SMC6: variants seen among roughly 807,000 people sequenced by gnomAD.
The protein encoded by SMC6 is structural maintenance of chromosomes protein 6.
Under a neutral mutation model 142.2 loss-of-function variants are expected in SMC6, and 79 were observed. The observed-to-expected ratio is 0.56, with a 90% CI of 0.46 to 0.67. SMC6 has a LOEUF of 0.67. Among genes scored for constraint, SMC6 ranks in the 30% least tolerant of loss-of-function variants. The pLI is 0.00. For synonymous variants in SMC6, 411 were observed against 412.4 expected, an observed-to-expected ratio of 1.00 and a Z score of 0.04; for missense variants, 1,072 against 1,284.0, an observed-to-expected ratio of 0.83 and a Z score of 2.52.
In SMC6 at chr2:17,703,713, C is replaced by A. The variant is rs566130141; in HGVS notation, c.2007-421G>T. ...ATTTAATTAATAGTAAATATATTTT[C>A]TCTTCCTTATGATTTTAACATACTC... On this transcript the variant is annotated intron_variant, in intron 18 of 27. Transcript: ENST00000448223. Among the ~76,000 whole-genome samples the A allele has an allele frequency of 5.1e-4, 78 of 152,134 alleles. 1 individual carries two copies. The highest frequency in any genetic ancestry group is 1.8e-3 in the African/African-American group (74 of 41,520).
chr2:17,690,561 T>G (rs1303413800), intron 23 of SMC6, among the ~76,000 whole-genome samples: 1 of 151,870 alleles, frequency 6.6e-6, no homozygotes, highest in Non-Finnish European at 1.5e-5. Flanking sequence ...ACCACTGCAC[T>G]CCAGCCTGCA....
chr2:17,733,342 G>T (rs1669998774), intron 5 of SMC6, among the ~76,000 whole-genome samples: 1 of 151,974 alleles, frequency 6.6e-6, no homozygotes, highest in South Asian at 2.1e-4. Flanking sequence ...CATCCTCTTG[G>T]GATTGAGCTA....
At chr2:17,715,197 T>C (rs979726779) in intron 15 of SMC6, 132 bp from the exon 16 acceptor site, 3 of 798,766 alleles carry the variant, frequency 3.8e-6, no homozygotes, top group Non-Finnish European at 4.0e-6. Flanking sequence ...TTACAGATCA[T>C]TTAATCATAG....
intron 4 of SMC6, among the ~76,000 whole-genome samples, chr2:17,739,196 C>A (rs17381120): frequency 1.3e-5 from 2 of 151,886 alleles, no homozygotes; most frequent in Non-Finnish European, 2.9e-5. Context: ...CTTCTTTATA[C>A]CCTAACAGAT....
Position 17,731,107 on chromosome 2 carries a change from T to A in SMC6, c.514A>T (p.Ile172Phe). 2 of 1,612,996 alleles carry A rather than the reference T, an allele frequency of 1.2e-6. No homozygotes were observed. The highest frequency in any genetic ancestry group is 1.7e-6 in the Non-Finnish European group (2 of 1,179,550). ...SVVSTRKEEL[I>F]AILDHFNIQV... ...ATGTTAAAATGATCAAGAATTGCAA[T>A]CAGCTCTTCTTTCCTCGTGGAAACC... Residue 172 changes from isoleucine (I) to phenylalanine (F), a missense_variant, in exon 7 of 28, where the codon ATT becomes TTT. By Grantham distance (21) the Ile-to-Phe change is conservative. This residue lies in a region of SMC6 where 994 missense variants were observed against 1,153.2 expected (regional missense o/e 0.86). Coordinates refer to ENST00000448223, the MANE Select transcript of SMC6 (RefSeq NM_001142286.2).
intron 19 of SMC6, 148 bp downstream of exon 19, chr2:17,703,009 C>A (rs1317991120): frequency 4.6e-6 from 2 of 436,328 alleles, no homozygotes; most frequent in East Asian, 3.5e-5. Context: ...GATATACCCA[C>A]ATAAATGAAA....
intron 16 of SMC6, 143 bp downstream of exon 16, chr2:17,714,717 TA>T: frequency 1.2e-6 from 1 of 807,702 alleles, no homozygotes; most frequent in Non-Finnish European, 2.0e-6. Context: ...CCAGAACTAA[TA>T]CCTAGACAGA....
intron 5 of SMC6, among the ~76,000 whole-genome samples, chr2:17,735,931 G>A (rs1670129997): frequency 6.6e-6 from 1 of 152,196 alleles, no homozygotes; most frequent in Admixed American, 6.5e-5. Context: ...GGGAGGGATA[G>A]AGTCCTTAGA....
intron 11 of SMC6, among the ~76,000 whole-genome samples, chr2:17,719,564 TA>T (rs1669269839): frequency 1.3e-5 from 2 of 152,244 alleles, no homozygotes; most frequent in Non-Finnish European, 2.9e-5. Flanking sequence ...GAGCATCTAT[TA>T]CGCAGACTGG....
intron 26 of SMC6, among the ~76,000 whole-genome samples, chr2:17,669,343 A>C (rs1481278220): frequency 6.6e-6 from 1 of 152,136 alleles, no homozygotes; most frequent in East Asian, 1.9e-4. Flanking sequence ...AGAGTACAGG[A>C]GAGATGTCAG....
Position 17,716,162 on chromosome 2 carries a change from A to G in SMC6, c.1449T>C (p.Asn483=). 1 of 1,612,556 alleles carries G rather than the reference A, an allele frequency of 6.2e-7. No homozygotes were observed. Among genetic ancestry groups the G allele is most frequent in the South Asian group, 1.1e-5 (1 of 90,836 alleles). Residue 483 remains asparagine, a synonymous_variant, in exon 15 of 28, where the codon AAT becomes AAC. Transcript: ENST00000448223. Reference sequence around the variant, plus strand: ...CTATGGCTTCAAGAAGAGCTGGAACATTAGGGCCAAATCTTTTGAGTCGAT... The same window carrying G: ...CTATGGCTTCAAGAAGAGCTGGAACGTTAGGGCCAAATCTTTTGAGTCGAT... ...KTDRLKRFGP[N]VPALLEAIDD...
At chr2:17,712,510 T>C (rs997262443) in intron 16 of SMC6, among the ~76,000 whole-genome samples, 1 of 152,176 alleles carries the variant, frequency 6.6e-6, no homozygotes, top group Non-Finnish European at 1.5e-5. Context: ...AGCTTCTATG[T>C]CCTTCTGAAA....
chr2:17,699,866 A>C (rs1668185497), intron 21 of SMC6, among the ~76,000 whole-genome samples: 1 of 152,172 alleles, frequency 6.6e-6, no homozygotes, highest in East Asian at 1.9e-4. Context: ...GAGTTATTGA[A>C]GCAAAGCTGG....
At chr2:17,733,972 G>C (rs6743259) in intron 5 of SMC6, among the ~76,000 whole-genome samples, 12,986 of 152,196 alleles carry the variant, frequency 0.085, 907 homozygotes, top group African/African-American at 0.19. Context: ...GACAGTGATG[G>C]AGAGAAACAC....
At chr2:17,716,699 A>G (rs758347720) in intron 14 of SMC6, 42 bp downstream of exon 14, 2 of 1,577,800 alleles carry the variant, frequency 1.3e-6, no homozygotes, top group Admixed American at 1.8e-5. Context: ...ATATGATGTA[A>G]AAGTAATTGA....
intron 11 of SMC6, among the ~76,000 whole-genome samples, chr2:17,719,888 G>C (rs1404926819): frequency 6.6e-6 from 1 of 152,106 alleles, no homozygotes; most frequent in African/African-American, 2.4e-5. Flanking sequence ...GCTTATCTTG[G>C]AGGCAGACAG....
At chr2:17,715,610 G>A (rs531951165) in intron 15 of SMC6, among the ~76,000 whole-genome samples, 3 of 151,800 alleles carry the variant, frequency 2.0e-5, no homozygotes, top group African/African-American at 4.8e-5. Context: ...CCAAGAACAC[G>A]TGACTAAAAA....
intron 24 of SMC6, chr2:17,682,154 C>G (rs1237263903): frequency 6.6e-6 from 1 of 152,236 alleles, no homozygotes; most frequent in African/African-American, 2.4e-5. Context: ...TGGCTATCTT[C>G]AGGCTCCACA....
At chr2:17,675,888 C>G (rs1414921555) in intron 25 of SMC6, among the ~76,000 whole-genome samples, 1 of 152,074 alleles carries the variant, frequency 6.6e-6, no homozygotes, top group Non-Finnish European at 1.5e-5. Context: ...GTTTCTGAAT[C>G]TAGATTGATG....
Sources: allele counts gnomAD v4.1 joint callset (sites outside exome capture counted in the v4.1 genomes callset), GRCh38; gene constraint gnomAD v4.1.1; regional missense constraint gnomAD v4.1.1; transcripts MANE v1.5; gene names NCBI Gene and HGNC (gene_info 2026-07-23, HGNC 2026-07-21).